The following ARPP21 variants were observed in gnomAD, a reference collection of about 807,000 sequenced individuals.
ARPP21 encodes cAMP-regulated phosphoprotein 21.
In ARPP21, 69 loss-of-function variants were observed where a neutral mutation model predicts 113.2. The ratio of observed to expected loss-of-function variants is 0.61; its 90% CI spans 0.50 to 0.74. The LOEUF is 0.74. ARPP21 is among the 30% of genes least tolerant of loss of function. The probability of loss-of-function intolerance (pLI) is 0.00; values close to 1 mark genes in which losing one functional copy is unlikely to be tolerated. For missense variants in ARPP21, 1,070 were observed against 1,037.4 expected, an observed-to-expected ratio of 1.03 and a Z score of -0.43; for synonymous variants, 368 against 375.5, an observed-to-expected ratio of 0.98 and a Z score of 0.23.
At chr3:35,751,153 C>T (rs2095391084) in intron 19 of ARPP21, among the ~76,000 whole-genome samples, 1 of 152,114 alleles carries the variant, frequency 6.6e-6, no homozygotes, top group African/African-American at 2.4e-5. Context: ...ATGAGGGAAC[C>T]TTAAGTTAAA....
At chr3:35,732,405 C>A (rs2094047671) in intron 15 of ARPP21, among the ~76,000 whole-genome samples, 1 of 152,190 alleles carries the variant, frequency 6.6e-6, no homozygotes. Context: ...TAACTTAGGA[C>A]CTCTTGCCTG....
intron 9 of ARPP21, among the ~76,000 whole-genome samples, chr3:35,700,050 C>T (rs563508713): frequency 2.6e-5 from 4 of 151,852 alleles, no homozygotes; most frequent in East Asian, 1.9e-4. Context: ...AAAATATGAA[C>T]GGTATAACCA....
Position 35,729,370 on chromosome 3 carries a change from C to T in ARPP21, c.1293C>T (p.Ser431=), listed in dbSNP as rs1204344866. ...CCCGCACCCATCCACCTCTCCAGAG[C>T]ACACCCCTAGTCTCAGGTGTGGCAG... ...SLSRTHPPLQ[S]TPLVSGVAAG... Residue 431 remains serine, a synonymous_variant, in exon 15 of 21, where the codon AGC becomes AGT. Coordinates refer to ENST00000684406, the MANE Select transcript of ARPP21 (RefSeq NM_001385562.1). 1 of 1,614,206 alleles carries T rather than the reference C, an allele frequency of 6.2e-7. No individual in the cohort carries two copies. Among genetic ancestry groups the T allele is most frequent in the Admixed American group, 1.7e-5 (1 of 60,032 alleles).
At chr3:35,665,287 C>CT (rs1018342091) in intron 1 of ARPP21, among the ~76,000 whole-genome samples, 21 of 147,024 alleles carry the variant, frequency 1.4e-4, no homozygotes, top group East Asian at 1.0e-3. Context: ...TTGGCCTAAG[C>CT]TTTTTTTTTT....
rs201474256 is a variant in ARPP21 at position 35,689,287 on chromosome 3, C to G, written c.407-20C>G. 8.3e-7 allele frequency: 1 copy of G among 1,206,250 alleles called. No homozygotes were observed. Among genetic ancestry groups the G allele is most frequent in the Non-Finnish European group, 1.2e-6 (1 of 808,718 alleles). The allele number at this position is 1,206,250 out of a possible 1,614,324, so 74.7% of individuals were successfully genotyped here. On this transcript the variant is annotated intron_variant, in intron 6 of 20. Transcript: ENST00000684406. ...TTTCCACCATCATTCCTGACAGCTC[C>G]GTCCTGCTATTTGTTTCAGATTGCA...
intron 13 of ARPP21, among the ~76,000 whole-genome samples, chr3:35,718,674 A>G (rs994684853): frequency 1.3e-5 from 2 of 152,194 alleles, no homozygotes; most frequent in Non-Finnish European, 2.9e-5. Context: ...AAAGCAATTC[A>G]AGATGTAGAT....
In ARPP21 at chr3:35,653,942, A is replaced by C. The variant is rs1289055992; in HGVS notation, c.-213+13544A>C. 1.3e-4 allele frequency among the ~76,000 whole-genome samples: 20 copies of C among 152,074 alleles called. 1 individual carries two copies. The highest frequency in any genetic ancestry group is 1.3e-3 in the Admixed American group (20 of 15,254). On this transcript the variant is annotated intron_variant, in intron 1 of 20. Transcript: ENST00000684406. Reference sequence around the variant, plus strand: ...TAAAATAAATTTGGAGGGTTGTCACATTCTATAGCATTGGCTTTTATAAAG... The same window carrying C: ...TAAAATAAATTTGGAGGGTTGTCACCTTCTATAGCATTGGCTTTTATAAAG...
chr3:35,670,927 A>ATTC lies in ARPP21; in HGVS notation c.-212-8856_-212-8854dup, dbSNP rs552622490. Among the ~76,000 whole-genome samples the ATTC allele has an allele frequency of 7.5e-4, 114 of 152,272 alleles. 1 individual carries two copies. The South Asian group carries it at 0.023, about 30-fold the overall frequency. Reference sequence around the variant, plus strand: ...AAGGAACTTAGAGTCTAGTGCTGGCATTCTTCATCTGGAACATTTATTCAA... The same window carrying ATTC: ...AAGGAACTTAGAGTCTAGTGCTGGCATTCTTCTTCATCTGGAACATTTATTCAA... On this transcript the variant is annotated intron_variant, in intron 1 of 20. Coordinates refer to ENST00000684406, the MANE Select transcript of ARPP21 (RefSeq NM_001385562.1).
chr3:35,679,075 C>T (rs1513474), intron 1 of ARPP21, among the ~76,000 whole-genome samples: 103,782 of 151,754 alleles, frequency 0.68, 36,389 homozygotes, highest in African/African-American at 0.84. Context: ...TGCAAATCTG[C>T]TGAATCCCTC....
intron 17 of ARPP21, 116 bp from the exon 18 acceptor site, chr3:35,739,201 T>G (rs2094523264): frequency 1.6e-6 from 2 of 1,218,668 alleles, no homozygotes; most frequent in Non-Finnish European, 2.3e-6. Flanking sequence ...TTTTTCCAAA[T>G]TGTACTTCCT....
At chr3:35,702,931 T>A (rs887052936) in intron 9 of ARPP21, among the ~76,000 whole-genome samples, 3 of 151,844 alleles carry the variant, frequency 2.0e-5, no homozygotes, top group African/African-American at 4.8e-5. Context: ...TCTAATTTGT[T>A]TGACTATTAA....
chr3:35,701,224 C>T (rs1256765227), intron 9 of ARPP21, among the ~76,000 whole-genome samples: 1 of 151,454 alleles, frequency 6.6e-6, no homozygotes, highest in Non-Finnish European at 1.5e-5. Context: ...TCTCAAGAAC[C>T]TAGGCATATA....
At chr3:35,761,680 G>A (rs1462848092) in intron 19 of ARPP21, among the ~76,000 whole-genome samples, 1 of 152,106 alleles carries the variant, frequency 6.6e-6, no homozygotes, top group Non-Finnish European at 1.5e-5. Flanking sequence ...TTATTCAATG[G>A]TGAAAAGTGG....
chr3:35,706,936 A>T, intron 9 of ARPP21, 38 bp from the exon 10 acceptor site: 1 of 1,525,806 alleles, frequency 6.6e-7, no homozygotes, highest in Non-Finnish European at 9.0e-7. Flanking sequence ...AACAAGGGGG[A>T]AAAACTTTTT....
intron 2 of ARPP21, 45 bp from the exon 3 acceptor site, chr3:35,681,669 A>G (rs754136841): frequency 2.8e-5 from 28 of 986,750 alleles, no homozygotes; most frequent in Non-Finnish European, 4.2e-5. Flanking sequence ...GAATGATAGT[A>G]AATACCTTGC....
rs186385291 is a variant in ARPP21, at chr3:35,742,107, A to G, written c.2011-1732A>G. Among the ~76,000 whole-genome samples the G allele has an allele frequency of 3.0e-4, 46 of 152,368 alleles. No homozygotes were observed. In the Middle Eastern group the frequency reaches 0.02, roughly 68 times the overall value. On this transcript the variant is annotated intron_variant, in intron 18 of 20. Transcript: ENST00000684406. ...ATTAGTCCTCATCAGAACATTTTTA[A>G]GTATAAATTCCTTCATCCCTGAGGA...
intron 15 of ARPP21, among the ~76,000 whole-genome samples, chr3:35,734,991 C>G (rs1342031779): frequency 6.6e-6 from 1 of 152,196 alleles, no homozygotes; most frequent in Admixed American, 6.5e-5. Context: ...AGAATATTCA[C>G]TTAGCTAATT....
intron 1 of ARPP21, among the ~76,000 whole-genome samples, chr3:35,659,579 A>G (rs1244656478): frequency 2.0e-5 from 3 of 152,148 alleles, no homozygotes; most frequent in Non-Finnish European, 4.4e-5. Context: ...TATCATTTCA[A>G]GGCCCTAGGA....
chr3:35,783,733 A>G (rs1360619373), intron 19 of ARPP21, among the ~76,000 whole-genome samples: 2 of 152,144 alleles, frequency 1.3e-5, no homozygotes, highest in Admixed American at 1.3e-4. Context: ...TTCCAGTTTT[A>G]TAGCACGCTT....
Sources: gnomAD v4.1 joint callset for allele counts (sites outside exome capture counted in the v4.1 genomes callset) on GRCh38, gnomAD v4.1.1 for gene constraint, MANE v1.5 for transcripts, NCBI Gene and HGNC (gene_info 2026-07-23, HGNC 2026-07-21) for gene names.